Variants in ZFYVE28 observed in about 807,000 individuals in gnomAD.
ZFYVE28 encodes the protein lateral signaling target protein 2 homolog.
In ZFYVE28, 40 loss-of-function variants were observed where a neutral mutation model predicts 82.1. The observed-to-expected ratio is 0.49, with a 90% CI of 0.38 to 0.63. The LOEUF (loss-of-function observed/expected upper bound fraction) is 0.63, where lower values mean the gene tolerates loss of function less well. Among genes scored for constraint, ZFYVE28 ranks in the 30% least tolerant of loss-of-function variants. The pLI is 0.00. For synonymous variants in ZFYVE28, 612 were observed against 546.1 expected (o/e 1.12, Z -1.68); for missense variants, 1,321 against 1,242.1 (o/e 1.06, Z -0.96).
intron 8 of ZFYVE28, among the ~76,000 whole-genome samples, chr4:2,288,594 A>G (rs1230394899): frequency 6.6e-6 from 1 of 152,226 alleles, no homozygotes; most frequent in African/African-American, 2.4e-5. Context: ...CAGGTTAGGC[A>G]GTGTGAGCTG....
intron 8 of ZFYVE28, among the ~76,000 whole-genome samples, chr4:2,303,979 C>T (rs1037566249): frequency 7.9e-5 from 12 of 152,236 alleles, no homozygotes; most frequent in Non-Finnish European, 1.3e-4. Flanking sequence ...GCCGGGGCTG[C>T]GGCAGGTGAG....
chr4:2,297,493 G>A (rs1045378399), intron 8 of ZFYVE28, among the ~76,000 whole-genome samples: 5 of 152,378 alleles, frequency 3.3e-5, no homozygotes, highest in Non-Finnish European at 7.3e-5. Context: ...CTGTCCGGGA[G>A]CGAGGTCATG....
intron 8 of ZFYVE28, among the ~76,000 whole-genome samples, chr4:2,275,257 G>A (rs1017581934): frequency 6.6e-6 from 1 of 152,162 alleles, no homozygotes; most frequent in Non-Finnish European, 1.5e-5. Context: ...GGGGTTCCAC[G>A]GTGACCCTAT....
chr4:2,293,645 C>A (rs921490213), intron 8 of ZFYVE28, among the ~76,000 whole-genome samples: 3 of 150,490 alleles, frequency 2.0e-5, no homozygotes, highest in African/African-American at 4.9e-5. Flanking sequence ...CCCAGCTACT[C>A]GGGAGGCTGA....
chr4:2,415,392 G>C (rs1005604876), intron 1 of ZFYVE28, among the ~76,000 whole-genome samples: 6 of 151,828 alleles, frequency 4.0e-5, no homozygotes, highest in Non-Finnish European at 8.8e-5. Context: ...TGAGGCAGGA[G>C]GATTGCTTGA....
intron 1 of ZFYVE28, among the ~76,000 whole-genome samples, chr4:2,379,230 A>C (rs892481229): frequency 2.0e-5 from 3 of 152,194 alleles, no homozygotes; most frequent in Admixed American, 6.5e-5. Flanking sequence ...AGCCCTCAAC[A>C]ATCAAAGAAA....
At chr4:2,297,806 AGAC>A (rs1478452918) in intron 8 of ZFYVE28, among the ~76,000 whole-genome samples, 1 of 97,066 alleles carries the variant, frequency 1.0e-5, no homozygotes, top group African/African-American at 4.2e-5. Context: ...GAACGGCAGA[AGAC>A]GAGTGGTGAC....
chr4:2,368,211 C>CAAAAAAAAAAAAAA (rs34092714), intron 1 of ZFYVE28, among the ~76,000 whole-genome samples: 997 of 85,848 alleles, frequency 0.012, 99 homozygotes, highest in East Asian at 0.033. Context: ...CACATCTCTA[C>CAAAAAAAAAAAAAA]AAAAAAAAAA....
At chr4:2,327,256 AT>A (rs1560208808) in intron 6 of ZFYVE28, among the ~76,000 whole-genome samples, 27 of 2,248 alleles carry the variant, frequency 0.012, no homozygotes, top group African/African-American at 0.017. Flanking sequence ...TCTCAAATAT[AT>A]ATATATATAT....
intron 8 of ZFYVE28, among the ~76,000 whole-genome samples, chr4:2,279,710 G>T (rs1711685714): frequency 6.6e-6 from 1 of 151,974 alleles, no homozygotes; most frequent in Non-Finnish European, 1.5e-5. Flanking sequence ...GAACCCGGGA[G>T]GCGGAGCTTG....
intron 6 of ZFYVE28, among the ~76,000 whole-genome samples, chr4:2,322,024 C>T (rs958140107): frequency 2.6e-5 from 4 of 152,212 alleles, no homozygotes; most frequent in Admixed American, 2.6e-4. Context: ...ACCCAAGACC[C>T]CCTGGGCTGT....
chr4:2,299,583 G>T (rs1270764536), intron 8 of ZFYVE28, among the ~76,000 whole-genome samples: 1 of 10,456 alleles, frequency 9.6e-5, no homozygotes, highest in Non-Finnish European at 2.0e-4. Flanking sequence ...CTCCAGCCTG[G>T]GCAACCAAGG....
intron 6 of ZFYVE28, among the ~76,000 whole-genome samples, chr4:2,324,119 G>C (rs1287543803): frequency 6.6e-6 from 1 of 152,204 alleles, no homozygotes; most frequent in Non-Finnish European, 1.5e-5. Context: ...TTAAGGAATT[G>C]TTTCATGCAA....
At chr4:2,411,891 C>A (rs1014758660) in intron 1 of ZFYVE28, among the ~76,000 whole-genome samples, 3 of 152,210 alleles carry the variant, frequency 2.0e-5, no homozygotes, top group Non-Finnish European at 4.4e-5. Context: ...AAATGGGGGG[C>A]ACAGGCCATG....
chr4:2,280,677 C>G (rs943385976), intron 8 of ZFYVE28, among the ~76,000 whole-genome samples: 1 of 152,174 alleles, frequency 6.6e-6, no homozygotes, highest in Admixed American at 6.5e-5. Flanking sequence ...TCAAGTATTG[C>G]TTTTGTGATC....
chr4:2,318,383 C>T (rs1718537609), intron 7 of ZFYVE28, among the ~76,000 whole-genome samples: 2 of 152,144 alleles, frequency 1.3e-5, no homozygotes, highest in Admixed American at 6.5e-5. Flanking sequence ...CATGGTGAAA[C>T]CCCGTCTCTA....
rs1560172882 is a variant in ZFYVE28, at chr4:2,304,808, A to T, written c.1532T>A (p.Met511Lys). Residue 511 changes from methionine (M) to lysine (K), a missense_variant, in exon 8 of 13, where the codon ATG (methionine) becomes AAG (lysine). Physicochemically the swap from Met to Lys is moderately conservative, Grantham distance 95. Around this residue, in one of 2 missense-constraint regions of ZFYVE28, gnomAD observed 978 missense variants for 833.7 expected, o/e 1.17. Transcript: ENST00000290974. ...GAAGATGACCGTGGCTGAGAGCTTC[A>T]TGCCCCCTGTCCGGTGGGCGATCAT... ...AEMIAHRTGGMKLSATVIFNP... is the reference protein window; with the variant it reads ...AEMIAHRTGGKKLSATVIFNP... The T allele has an allele frequency of 1.2e-6, 2 of 1,612,316 alleles. No individual in the cohort carries two copies. Among genetic ancestry groups the T allele is most frequent in the Non-Finnish European group, 1.7e-6 (2 of 1,179,888 alleles).
intron 1 of ZFYVE28, among the ~76,000 whole-genome samples, chr4:2,358,347 G>T (rs916241837): frequency 1.3e-5 from 2 of 152,344 alleles, no homozygotes; most frequent in Admixed American, 1.3e-4. Context: ...GCTCCCACAG[G>T]GGTGACATGC....
chr4:2,405,659 C>T (rs1016579887), intron 1 of ZFYVE28, among the ~76,000 whole-genome samples: 2 of 152,248 alleles, frequency 1.3e-5, no homozygotes, highest in African/African-American at 4.8e-5. Flanking sequence ...TGAGACCTCA[C>T]GTCCCTTGGA....
Sources: gnomAD v4.1 joint callset for allele counts (sites outside exome capture counted in the v4.1 genomes callset) on GRCh38, gnomAD v4.1.1 for gene constraint, gnomAD v4.1.1 regional missense constraint, MANE v1.5 for transcripts, NCBI Gene and HGNC (gene_info 2026-07-23, HGNC 2026-07-21) for gene names.